Variants in ZNF114 observed in about 807,000 individuals in gnomAD.
ZNF114 encodes the protein zinc finger protein 114 (Y18).
In ZNF114, 8 loss-of-function variants were observed where a neutral mutation model predicts 6.8. That is an observed-to-expected ratio of 1.18 (90% CI 0.69 to 2.13). The LOEUF (loss-of-function observed/expected upper bound fraction) is 2.13, where lower values mean the gene tolerates loss of function less well. ZNF114 is among the 30% of genes most tolerant of loss of function. The probability of loss-of-function intolerance (pLI) is 0.00; values close to 1 mark genes in which losing one functional copy is unlikely to be tolerated. For missense variants in ZNF114, 472 were observed against 519.5 expected, an observed-to-expected ratio of 0.91 and a Z score of 0.89; for synonymous variants, 169 against 185.5, an observed-to-expected ratio of 0.91 and a Z score of 0.72.
Position 48,285,883 on chromosome 19 carries a change from A to G in ZNF114, c.259A>G (p.Arg87Gly), listed in dbSNP as rs1463564325. The G allele has an allele frequency of 2.0e-5, 32 of 1,614,198 alleles. No individual in the cohort carries two copies. Among genetic ancestry groups the G allele is most frequent in the Non-Finnish European group, 2.6e-5 (31 of 1,180,036 alleles). ...TSISSQHSTL[R>G]EDWRCPKTEE... ...CATCAGTTCCCAGCACTCCACATTA[A>G]GAGAAGACTGGAGATGCCCCAAAAC... Residue 87 changes from arginine to glycine, a missense_variant, in exon 6 of 6, where the codon AGA (arginine) becomes GGA (glycine). Coordinates refer to ENST00000595607, the MANE Select transcript of ZNF114 (RefSeq NM_153608.4).
intron 3 of ZNF114, among the ~76,000 whole-genome samples, chr19:48,277,793 GGGTGT>G (rs1967877253): frequency 7.7e-6 from 1 of 130,026 alleles, no homozygotes; most frequent in South Asian, 2.5e-4. Flanking sequence ...GGGAGGCATT[GGGTGT>G]GTGTGTGTGT....
rs1308608375 is a variant in ZNF114, at chr19:48,282,480, G to A, written c.119G>A (p.Arg40Lys). The stretch of plus-strand genomic sequence containing the variant: ...AGAGACGTGATGCTGGAAAATTCTA[G>A]GAACTTGGCATTCATAGGTAAGGAG... ...LYRDVMLENS[R>K]NLAFIDWATP... The change falls in exon 5 of 6, where the codon AGG (arginine) becomes AAG (lysine). Residue 40 changes from arginine to lysine, a missense_variant. Arg to Lys is a conservative substitution (Grantham distance 26, BLOSUM62 2). Transcript: ENST00000595607. 5 of 1,608,872 alleles carry A rather than the reference G, an allele frequency of 3.1e-6. No homozygotes were observed. Among genetic ancestry groups the A allele is most frequent in the Non-Finnish European group, 4.2e-6 (5 of 1,176,654 alleles).
chr19:48,285,714 C>G, intron 5 of ZNF114, 47 bp from the exon 6 acceptor site: 1 of 1,553,908 alleles, frequency 6.4e-7, no homozygotes, highest in African/African-American at 1.4e-5. Flanking sequence ...CTCTAACCCA[C>G]CTTTACTTTC....
chr19:48,286,325 G>T lies in ZNF114; in HGVS notation c.701G>T (p.Gly234Val), dbSNP rs1968128415. The change falls in exon 6 of 6, where the codon GGA becomes GTA. Residue 234 changes from glycine to valine, a missense_variant. Coordinates refer to ENST00000595607, the MANE Select transcript of ZNF114 (RefSeq NM_153608.4). Reference sequence around the variant, plus strand: ...TTTGGAAAAGCTTTCCGTGAAGACGGATCCCTTAGGGCACACAACACTCAT... The same window carrying T: ...TTTGGAAAAGCTTTCCGTGAAGACGTATCCCTTAGGGCACACAACACTCAT... ...NPFGKAFRED[G>V]SLRAHNTHGR... The T allele has an allele frequency of 1.2e-6, 2 of 1,614,180 alleles. No homozygotes were observed. Among genetic ancestry groups the T allele is most frequent in the Non-Finnish European group, 8.5e-7 (1 of 1,180,038 alleles).
intron 3 of ZNF114, among the ~76,000 whole-genome samples, chr19:48,276,296 C>G (rs945280453): frequency 1.3e-5 from 2 of 151,814 alleles, no homozygotes; most frequent in African/African-American, 4.8e-5. Flanking sequence ...TCAGGCTGGT[C>G]TCAAACTCCC....
At chr19:48,277,722 G>T (rs1967873525) in intron 3 of ZNF114, among the ~76,000 whole-genome samples, 1 of 151,126 alleles carries the variant, frequency 6.6e-6, no homozygotes, top group African/African-American at 2.4e-5. Context: ...ATGTTTCCGA[G>T]GGTGTTCATT....
At chr19:48,277,347 C>CA (rs1967862272) in intron 3 of ZNF114, among the ~76,000 whole-genome samples, 1 of 151,828 alleles carries the variant, frequency 6.6e-6, no homozygotes, top group Non-Finnish European at 1.5e-5. Context: ...GACCTTGTGT[C>CA]AAAAAATAAA....
intron 3 of ZNF114, among the ~76,000 whole-genome samples, chr19:48,276,683 C>T (rs1162521295): frequency 2.6e-5 from 4 of 152,098 alleles, no homozygotes; most frequent in Non-Finnish European, 5.9e-5. Flanking sequence ...GCCAGCGTGC[C>T]CACCTAATTT....
chr19:48,284,519 C>T (rs890029287), intron 5 of ZNF114, among the ~76,000 whole-genome samples: 1 of 152,204 alleles, frequency 6.6e-6, no homozygotes, highest in Non-Finnish European at 1.5e-5. Flanking sequence ...CAATCTCTGC[C>T]TGCCGGATTC....
At chr19:48,278,617 G>A (rs11673278) in intron 3 of ZNF114, among the ~76,000 whole-genome samples, 112,506 of 151,990 alleles carry the variant, frequency 0.74, 42,327 homozygotes, top group Middle Eastern at 0.84. Flanking sequence ...GCATTGATCA[G>A]TATTGGGTTG....
At chr19:48,276,995 T>G (rs1252372319) in intron 3 of ZNF114, among the ~76,000 whole-genome samples, 1 of 151,838 alleles carries the variant, frequency 6.6e-6, no homozygotes, top group Non-Finnish European at 1.5e-5. Context: ...CCGTCTCTAC[T>G]AAAAATACAA....
intron 5 of ZNF114, among the ~76,000 whole-genome samples, chr19:48,285,212 CAG>C (rs1329117049): frequency 6.6e-6 from 1 of 152,072 alleles, no homozygotes; most frequent in African/African-American, 2.4e-5. Flanking sequence ...GAAATCCACA[CAG>C]AGGCCTGGCG....
intron 5 of ZNF114, 24 bp from the exon 6 acceptor site, chr19:48,285,737 A>G: frequency 6.4e-7 from 1 of 1,573,782 alleles, no homozygotes; most frequent in Non-Finnish European, 8.6e-7. Context: ...CAAAGAATTT[A>G]ACTTTTGTGC....
rs530318129 is a variant in ZNF114, at chr19:48,284,628, A to C, written c.137-1133A>C. Among the ~76,000 whole-genome samples the C allele has an allele frequency of 3.3e-5, 5 of 152,058 alleles. No individual in the cohort carries two copies. The East Asian group carries it at 7.7e-4, about 23-fold the overall frequency. On this transcript the variant is annotated intron_variant, in intron 5 of 5. Transcript: ENST00000595607. The stretch of plus-strand genomic sequence containing the variant: ...CTATTTTTAGTAGAGACGGGGCTTC[A>C]CCACATTGGCCAGGCTGGTCTCAAA...
intron 5 of ZNF114, among the ~76,000 whole-genome samples, chr19:48,283,663 T>C (rs985784408): frequency 5.3e-5 from 8 of 151,920 alleles, no homozygotes; most frequent in African/African-American, 9.7e-5. Flanking sequence ...AGTTGCATGA[T>C]TACATGGTGC....
In ZNF114 at chr19:48,282,492, T is replaced by C; in HGVS notation, c.131T>C (p.Phe44Ser). 1 of 1,609,210 alleles carries C rather than the reference T, an allele frequency of 6.2e-7. No individual in the cohort carries two copies. Among genetic ancestry groups the C allele is most frequent in the Non-Finnish European group, 8.5e-7 (1 of 1,176,414 alleles). ...CTGGAAAATTCTAGGAACTTGGCAT[T>C]CATAGGTAAGGAGGCCCCCTTCCTG... Reference protein sequence around the residue: ...VMLENSRNLAFIDWATPCKTK... With the variant: ...VMLENSRNLASIDWATPCKTK... The change falls in exon 5 of 6, where the codon TTC (phenylalanine) becomes TCC (serine). Residue 44 changes from phenylalanine (F) to serine (S), a missense_variant. Transcript: ENST00000595607.
intron 2 of ZNF114, 64 bp downstream of exon 2, chr19:48,271,513 C>A (rs1343293212): frequency 1.5e-5 from 1 of 66,256 alleles, no homozygotes; most frequent in Non-Finnish European, 2.8e-5. Flanking sequence ...TCGGGTCGAT[C>A]GGGTCCCGGG....
rs1369477946 is a variant in ZNF114, at chr19:48,282,374, T to G, written c.13T>G (p.Ser5Ala). Residue 5 changes from serine (S) to alanine (A), a missense_variant, in exon 5 of 6, where the codon TCG (serine) becomes GCG (alanine). Physicochemically the swap from Ser to Ala is moderately conservative, Grantham distance 99 (BLOSUM62 1). Transcript: ENST00000595607. Reference protein sequence around the residue: MSQDSVTFADVAVNF... With the variant: MSQDAVTFADVAVNF... ...CAAACTGCATGTGTTATTTTAGGAC[T>G]CGGTGACCTTCGCAGACGTGGCTGT... 1 of 1,612,700 alleles carries G rather than the reference T, an allele frequency of 6.2e-7. No individual in the cohort carries two copies. The highest frequency in any genetic ancestry group is 8.5e-7 in the Non-Finnish European group (1 of 1,179,328).
chr19:48,285,639 G>A, intron 5 of ZNF114, 122 bp from the exon 6 acceptor site: 1 of 1,063,192 alleles, frequency 9.4e-7, no homozygotes, highest in Non-Finnish European at 1.3e-6. Context: ...AAGGAGCGAG[G>A]GAGGGAGGGA....
Sources: allele counts gnomAD v4.1 joint callset (sites outside exome capture counted in the v4.1 genomes callset), GRCh38; gene constraint gnomAD v4.1.1; transcripts MANE v1.5; gene names NCBI Gene and HGNC (gene_info 2026-07-23, HGNC 2026-07-21).